Variants in TUBGCP6 observed in about 807,000 individuals in gnomAD.
The protein encoded by TUBGCP6 is tubulin gamma complex component 6, also known as gamma-tubulin complex component 6.
A neutral mutation model predicts 175.8 loss-of-function variants in TUBGCP6; 161 were observed. The ratio of observed to expected loss-of-function variants is 0.92; its 90% CI spans 0.81 to 1.04. The LOEUF (loss-of-function observed/expected upper bound fraction) is 1.04. Ranked by LOEUF, TUBGCP6 falls within the 50% of genes least tolerant of loss-of-function variation. The pLI, the probability that TUBGCP6 is intolerant of heterozygous loss-of-function variation, is 0.00. For missense variants in TUBGCP6, 2,572 were observed against 2,433.0 expected (o/e 1.06, Z -1.20); for synonymous variants, 1,173 against 1,030.5 (o/e 1.14, Z -2.65).
At position 50,230,539 on chromosome 22, in the gene TUBGCP6, G is replaced by T. The variant is rs1601596616; in HGVS notation, c.1117-962C>A. ...GGAGAATTGTTGAATACGGGAGGCA[G>T]AGGTTGCAGTGAGCTGAGATCACGC... On this transcript the variant is annotated intron_variant, in intron 3 of 24. Coordinates refer to ENST00000248846, the MANE Select transcript of TUBGCP6 (RefSeq NM_020461.4). Among the ~76,000 whole-genome samples the T allele has an allele frequency of 4.6e-5, 7 of 151,950 alleles. No individual in the cohort carries two copies. In the South Asian group the frequency reaches 1.5e-3, roughly 32 times the overall value.
chr22:50,228,128 TG>T (rs746441449), intron 4 of TUBGCP6, 100 bp from the exon 5 acceptor site: 177 of 1,358,204 alleles, frequency 1.3e-4, no homozygotes, highest in Non-Finnish European at 1.6e-4. Context: ...CTTTGTTTCT[TG>T]CCTCAGCTCT....
intron 1 of TUBGCP6, among the ~76,000 whole-genome samples, chr22:50,243,414 C>G (rs1183943702): frequency 1.3e-5 from 2 of 149,302 alleles, no homozygotes; most frequent in Non-Finnish European, 3.0e-5. Context: ...GATCGCGCCA[C>G]GGCACTCCAG....
intron 4 of TUBGCP6, among the ~76,000 whole-genome samples, chr22:50,228,297 TTCCTCTCATCTGAGCCCAGCTGC>T (rs2064642904): frequency 2.7e-5 from 4 of 148,520 alleles, no homozygotes; most frequent in Admixed American, 6.6e-5. Context: ...CCACCAACCC[TTCCTCTCATCTGAGCCCAGCTGC>T]CCCAGGGGCG....
chr22:50,244,451 G>C lies in TUBGCP6; in HGVS notation c.9C>G (p.Ser3Arg). 6.2e-7 allele frequency: 1 copy of C among 1,610,688 alleles called. No homozygotes were observed. Residue 3 changes from serine (S) to arginine (R), a missense_variant, in exon 1 of 25, where the codon AGC (serine) becomes AGG (arginine). Ser to Arg is a moderately radical substitution (Grantham distance 110). Transcript: ENST00000248846. ...ACAGGTCGTCGAACAGCTGCGTGAT[G>C]CTGGCCATGCCCCTTCTCAGCTCCG... MA[S>R]ITQLFDDLCE...
chr22:50,234,325 C>T (rs1385558692), intron 2 of TUBGCP6, among the ~76,000 whole-genome samples: 1 of 6,138 alleles, frequency 1.6e-4, no homozygotes, highest in Non-Finnish European at 3.1e-4. Context: ...ATCCACACCC[C>T]TGTCCACAGC....
chr22:50,222,729 G>A, intron 13 of TUBGCP6, 137 bp from the exon 14 acceptor site: 1 of 1,261,050 alleles, frequency 7.9e-7, no homozygotes, highest in South Asian at 1.5e-5. Flanking sequence ...ACCAGGGGCT[G>A]ATAGCTCTGG....
intron 2 of TUBGCP6, among the ~76,000 whole-genome samples, chr22:50,239,161 A>G (rs766862613): frequency 1.2e-4 from 19 of 152,096 alleles, no homozygotes; most frequent in Non-Finnish European, 1.5e-4. Context: ...CATTTGGGGA[A>G]GTGCGTGTTT....
In TUBGCP6 at chr22:50,220,823, G is replaced by A; in HGVS notation, c.3536C>T (p.Ala1179Val). The A allele has an allele frequency of 4.4e-6, 7 of 1,599,288 alleles. No individual in the cohort carries two copies. The highest frequency in any genetic ancestry group is 6.0e-6 in the Non-Finnish European group (7 of 1,173,828). Residue 1179 changes from alanine to valine, a missense_variant, in exon 16 of 25, where the codon GCT becomes GTT. Coordinates refer to ENST00000248846, the MANE Select transcript of TUBGCP6 (RefSeq NM_020461.4). Reference sequence around the variant, plus strand: ...GGTGTTCCACCGTGGCCGGGCGGGAGCCATGTCTGACACAGACTCCCCCAA... The same window carrying A: ...GGTGTTCCACCGTGGCCGGGCGGGAACCATGTCTGACACAGACTCCCCCAA... ...ISLGESVSDM[A>V]PARPRWNTHG...
intron 1 of TUBGCP6, among the ~76,000 whole-genome samples, chr22:50,241,147 T>A (rs192034997): frequency 6.6e-6 from 1 of 152,210 alleles, no homozygotes; most frequent in Non-Finnish European, 1.5e-5. Context: ...TATTCCAAGA[T>A]TATAATAATC....
chr22:50,226,147 T>C lies in TUBGCP6; in HGVS notation c.1736A>G (p.Glu579Gly). Residue 579 changes from glutamate (E) to glycine (G), a missense_variant, in exon 9 of 25, where the codon GAG becomes GGG. Physicochemically the swap from Glu to Gly is moderately conservative, Grantham distance 98 (BLOSUM62 -2). Transcript: ENST00000248846. ...AAACACGGGAACACAGTCCTCCACC[T>C]CTTTGGAGATGAGCACGTAGCCATG... ...WTHGYVLISK[E>G]VEDCVPVFLK... The C allele has an allele frequency of 1.2e-6, 2 of 1,614,126 alleles. No individual in the cohort carries two copies. Among genetic ancestry groups the C allele is most frequent in the South Asian group, 2.2e-5 (2 of 91,078 alleles).
rs1385415491 is a variant in TUBGCP6 at position 50,222,491 on chromosome 22, C to T, written c.2372G>A (p.Arg791Gln). 6.8e-6 allele frequency: 11 copies of T among 1,613,764 alleles called. No individual in the cohort carries two copies. Among genetic ancestry groups the T allele is most frequent in the South Asian group, 1.1e-5 (1 of 91,084 alleles). Residue 791 changes from arginine (R) to glutamine (Q), a missense_variant, in exon 14 of 25, where the codon CGG becomes CAG. Arg to Gln is a conservative substitution (Grantham distance 43). Transcript: ENST00000248846. The stretch of plus-strand genomic sequence containing the variant: ...CTCATCTTCTAAGAGAAAACGAAGC[C>T]GTGCACTCTCCAGTCGGTGCCTCTG... ...RIQRHRLESA[R>Q]LRFLLEDEKH...
At chr22:50,226,893 A>T in intron 6 of TUBGCP6, 51 bp from the exon 7 acceptor site, 1 of 1,534,734 alleles carries the variant, frequency 6.5e-7, no homozygotes, top group Non-Finnish European at 8.9e-7. Flanking sequence ...CAGCGCTGGG[A>T]GTGAGGCGCA....
chr22:50,227,291 C>T (rs571553463), intron 5 of TUBGCP6, among the ~76,000 whole-genome samples: 2 of 152,224 alleles, frequency 1.3e-5, no homozygotes, highest in South Asian at 2.1e-4. Context: ...CCACACACAC[C>T]CCACTGAAGT....
Position 50,244,218 on chromosome 22 carries a change from C to T in TUBGCP6, c.242G>A (p.Gly81Asp), listed in dbSNP as rs2064888016. Reference protein sequence around the residue: ...LMLSFDLRVGGLGPKADRLEE... With the variant: ...LMLSFDLRVGDLGPKADRLEE... ...CAAACGGTCGGCCTTGGGGCCCAGG[C>T]CACCCACTCTCAAGTCAAAGGACAA... The change falls in exon 1 of 25, where the codon GGC (glycine) becomes GAC (aspartate). Residue 81 changes from glycine to aspartate, a missense_variant. Physicochemically the swap from Gly to Asp is moderately conservative, Grantham distance 94 (BLOSUM62 -1). Coordinates refer to ENST00000248846, the MANE Select transcript of TUBGCP6 (RefSeq NM_020461.4). 1.9e-6 allele frequency: 3 copies of T among 1,613,370 alleles called. No individual in the cohort carries two copies. The East Asian group carries it at 6.7e-5, about 36-fold the overall frequency.
rs548576466 is a variant in TUBGCP6 at position 50,222,580 on chromosome 22, G to A, written c.2283C>T (p.Val761=). 9.3e-6 allele frequency: 15 copies of A among 1,611,668 alleles called. No homozygotes were observed. Among genetic ancestry groups the A allele is most frequent in the African/African-American group, 4.0e-5 (3 of 75,022 alleles). Residue 761 remains valine, a synonymous_variant, in exon 14 of 25, where the codon GTC becomes GTT. Transcript: ENST00000248846. ...CTGCAGAGAGCTTGCTGTAGTGGTC[G>A]ACCAGTGCCTGCCTGAAGCCACACA... ...ELERKARQAL[V]DHYSKLSAEA... is the part of the protein sequence containing the mutation.
At chr22:50,228,535 C>T (rs898862796) in intron 4 of TUBGCP6, among the ~76,000 whole-genome samples, 12 of 152,178 alleles carry the variant, frequency 7.9e-5, no homozygotes, top group Admixed American at 2.6e-4. Context: ...AAGACAGGGG[C>T]ACCCTGGACC....
chr22:50,227,916 C>T lies in TUBGCP6; in HGVS notation c.1403G>A (p.Arg468Gln), dbSNP rs577356775. The change falls in exon 5 of 25, where the codon CGG becomes CAG. Residue 468 changes from arginine (R) to glutamine (Q), a missense_variant. Coordinates refer to ENST00000248846, the MANE Select transcript of TUBGCP6 (RefSeq NM_020461.4). ...CCATGCTGAGGCTCACCTGAGCTGC[C>T]GGCCAAGTTTCTTGAAGAGAAAACC... The part of the protein sequence containing the change: ...TIGFLFKKLG[R>Q]QLRYLAELCG... 25 of 1,575,492 alleles carry T rather than the reference C, an allele frequency of 1.6e-5. No individual in the cohort carries two copies. Among genetic ancestry groups the T allele is most frequent in the Middle Eastern group, 1.8e-4 (1 of 5,624 alleles).
At chr22:50,230,951 G>A (rs926876169) in intron 3 of TUBGCP6, among the ~76,000 whole-genome samples, 3 of 148,912 alleles carry the variant, frequency 2.0e-5, no homozygotes, top group Admixed American at 6.7e-5. Context: ...GCGAGGTAGT[G>A]CACGCCTATA....
In TUBGCP6 at chr22:50,217,950, G is replaced by GTGT; in HGVS notation, c.5333_5335dup (p.Asn1778dup). On this transcript the variant is annotated inframe_insertion, in exon 24 of 25. Coordinates refer to ENST00000248846, the MANE Select transcript of TUBGCP6 (RefSeq NM_020461.4). ...GAGAAAGTGGGAGTAGTACTTGAAG[G>GTGT]TGTTGTAGGACTGCTGCATGAGTGC... 1 of 1,609,590 alleles carries GTGT rather than the reference G, an allele frequency of 6.2e-7. No individual in the cohort carries two copies. The highest frequency in any genetic ancestry group is 8.5e-7 in the Non-Finnish European group (1 of 1,177,822).
Sources: gnomAD v4.1 joint callset for allele counts (sites outside exome capture counted in the v4.1 genomes callset) on GRCh38, gnomAD v4.1.1 for gene constraint, MANE v1.5 for transcripts, NCBI Gene and HGNC (gene_info 2026-07-23, HGNC 2026-07-21) for gene names.